AMPD1: variants seen among roughly 807,000 people sequenced by gnomAD.
AMPD1 encodes adenosine monophosphate deaminase 1, also known as AMP deaminase 1.
AMPD1 carries 74 observed loss-of-function variants against 82.9 expected under a neutral mutation model. The observed-to-expected ratio is 0.89, with a 90% CI of 0.74 to 1.08. AMPD1 has a LOEUF of 1.08. AMPD1 is among the 50% of genes least tolerant of loss of function. AMPD1 has a pLI of 0.00. For missense variants in AMPD1, 881 were observed against 924.5 expected (o/e 0.95, Z 0.61); for synonymous variants, 333 against 320.5 (o/e 1.04, Z -0.42).
At position 114,680,878 on chromosome 1, in the gene AMPD1, G is replaced by T. The variant is rs142999296; in HGVS notation, c.548-400C>A. Among the ~76,000 whole-genome samples the T allele has an allele frequency of 4.6e-5, 7 of 152,130 alleles. 2 individuals carry two copies. The highest frequency in any genetic ancestry group is 1.7e-4 in the African/African-American group (7 of 41,422). On this transcript the variant is annotated intron_variant, in intron 5 of 15. Transcript: ENST00000520113. ...AGCTACTCAGGAGGCTGAGGCGAGAGAATCATTTGAATCCGGGAGGCATAC... is the reference window on the plus strand; with the variant it reads ...AGCTACTCAGGAGGCTGAGGCGAGATAATCATTTGAATCCGGGAGGCATAC...
chr1:114,677,482 G>C lies in AMPD1; in HGVS notation c.1257C>G (p.Tyr419Ter). Residue 419 changes from tyrosine to a stop codon, truncating the protein, a stop_gained, in exon 10 of 16, where the codon TAC (tyrosine) becomes TAG (stop). Transcript: ENST00000520113. LOFTEE classifies it high-confidence loss of function. ...EVGADLVEAK[Y>*]QHAEPRLSIY... ...TGGACAGGCGGGGCTCAGCATGCTG[G>C]TACTTGGCCTCCACCAGGTCCGCAC... 2 of 1,613,458 alleles carry C rather than the reference G, an allele frequency of 1.2e-6. No individual in the cohort carries two copies. The highest frequency in any genetic ancestry group is 1.7e-6 in the Non-Finnish European group (2 of 1,179,904).
At chr1:114,690,411 G>T (rs895617540) in intron 2 of AMPD1, among the ~76,000 whole-genome samples, 3 of 152,154 alleles carry the variant, frequency 2.0e-5, no homozygotes, top group South Asian at 2.1e-4. Context: ...GATAATACAT[G>T]ATATGACTTA....
intron 3 of AMPD1, 76 bp downstream of exon 3, chr1:114,688,485 A>G (rs960362256): frequency 1.2e-5 from 19 of 1,521,672 alleles, no homozygotes; most frequent in Non-Finnish European, 1.6e-5. Context: ...CATTTGGATA[A>G]ATTGAACCAT....
At chr1:114,673,349 A>C in intron 15 of AMPD1, 77 bp from the exon 16 acceptor site, 1 of 1,547,874 alleles carries the variant, frequency 6.5e-7, no homozygotes, top group Non-Finnish European at 8.9e-7. Flanking sequence ...TTCTTTACAA[A>C]AATTCCTTCC....
Position 114,693,457 on chromosome 1 carries a change from G to A in AMPD1, c.23-10C>T, listed in dbSNP as rs773114255. ...TCACGTTTCTCTTCAGCTGTATGAA[G>A]TAAAATAAAACAAGATAAAATATGT... On this transcript the variant is annotated splice_polypyrimidine_tract_variant and intron_variant, in intron 1 of 15. Coordinates refer to ENST00000520113, the MANE Select transcript of AMPD1 (RefSeq NM_000036.3). 57 of 1,607,660 alleles carry A rather than the reference G, an allele frequency of 3.5e-5. No individual in the cohort carries two copies. Among genetic ancestry groups the A allele is most frequent in the Non-Finnish European group, 4.7e-5 (55 of 1,174,750 alleles).
chr1:114,691,398 A>ATT (rs1658511613), intron 2 of AMPD1, among the ~76,000 whole-genome samples: 1 of 147,308 alleles, frequency 6.8e-6, no homozygotes, highest in African/African-American at 2.7e-5. Flanking sequence ...ACCTCCACAA[A>ATT]ATTTTTTTTT....
chr1:114,687,550 A>G (rs1280884403), intron 3 of AMPD1, among the ~76,000 whole-genome samples: 1 of 152,108 alleles, frequency 6.6e-6, no homozygotes, highest in African/African-American at 2.4e-5. Flanking sequence ...AGACAGCAGA[A>G]TAGTCTTTTC....
intron 10 of AMPD1, 33 bp downstream of exon 10, chr1:114,677,318 A>T: frequency 1.2e-6 from 2 of 1,610,496 alleles, no homozygotes; most frequent in Non-Finnish European, 1.7e-6. Flanking sequence ...AGACAAGGGC[A>T]GGCTCTAGAG....
Position 114,687,108 on chromosome 1 carries a change from G to A in AMPD1, c.216-198C>T, listed in dbSNP as rs140527693. ...CACATGACCTTGTGCCCCTCTCCCT[G>A]GTCTACCTTGGAATGGCCTTAGCAA... On this transcript the variant is annotated intron_variant, in intron 3 of 15. Transcript: ENST00000520113. 9.4e-4 allele frequency: 609 copies of A among 645,652 alleles called. 3 individuals carry two copies. Among genetic ancestry groups the A allele is most frequent in the Non-Finnish European group, 1.5e-3 (544 of 358,422 alleles). The allele number at this position is 645,652 out of a possible 1,614,324, so 40.0% of individuals were successfully genotyped here.
In AMPD1 at chr1:114,677,340, C is replaced by T; in HGVS notation, c.1388+11G>A. The T allele has an allele frequency of 6.2e-7, 1 of 1,609,606 alleles. No homozygotes were observed. Among genetic ancestry groups the T allele is most frequent in the Non-Finnish European group, 8.5e-7 (1 of 1,179,034 alleles). ...GGCAGGCTCTAGAGTTTCTGATGGG[C>T]AGGTACATACTAGATCCTGGGAACC... On this transcript the variant is annotated intron_variant, in intron 10 of 15. Coordinates refer to ENST00000520113, the MANE Select transcript of AMPD1 (RefSeq NM_000036.3).
rs146422068 is a variant in AMPD1 at position 114,680,241 on chromosome 1, G to T, written c.767+18C>A. The T allele has an allele frequency of 1.1e-3, 1,739 of 1,592,836 alleles. 2 individuals carry two copies. The highest frequency in any genetic ancestry group is 1.4e-3 in the Non-Finnish European group (1,572 of 1,161,686). On this transcript the variant is annotated intron_variant, in intron 6 of 15. Transcript: ENST00000520113. Reference sequence around the variant, plus strand: ...TGTAGTACTAGTTGTTGTTGTTTAGGTCTCACTAAACACTTACACAGGTCC... The same window carrying T: ...TGTAGTACTAGTTGTTGTTGTTTAGTTCTCACTAAACACTTACACAGGTCC...
chr1:114,678,775 C>T (rs1658073341), intron 7 of AMPD1, among the ~76,000 whole-genome samples: 1 of 152,054 alleles, frequency 6.6e-6, no homozygotes, highest in South Asian at 2.1e-4. Flanking sequence ...TCTGTACATC[C>T]AATTTATTTC....
chr1:114,676,631 T>C (rs181712640), intron 10 of AMPD1, among the ~76,000 whole-genome samples: 15 of 152,324 alleles, frequency 9.8e-5, no homozygotes, highest in African/African-American at 3.4e-4. Flanking sequence ...CCAGAATCTA[T>C]ACTCCTAACC....
chr1:114,679,681 C>A lies in AMPD1; in HGVS notation c.795G>T (p.Lys265Asn). The change falls in exon 7 of 16, where the codon AAG (lysine) becomes AAT (asparagine). Residue 265 changes from lysine (K) to asparagine (N), a missense_variant. Lys to Asn is a moderately conservative substitution (Grantham distance 94). This residue lies in a region of AMPD1 where 783 missense variants were observed against 786.4 expected (regional missense o/e 1.00). Coordinates refer to ENST00000520113, the MANE Select transcript of AMPD1 (RefSeq NM_000036.3). ...GGACCTGGAACTTGGAGGAGAGGAACTTCAGGCGCCGGTGGGTATAGGTCT... is the reference window on the plus strand; with the variant it reads ...GGACCTGGAACTTGGAGGAGAGGAAATTCAGGCGCCGGTGGGTATAGGTCT... ...PVKTYTHRRL[K>N]FLSSKFQVHQ... 1 of 1,614,002 alleles carries A rather than the reference C, an allele frequency of 6.2e-7. No individual in the cohort carries two copies. The highest frequency in any genetic ancestry group is 8.5e-7 in the Non-Finnish European group (1 of 1,179,996).
intron 10 of AMPD1, chr1:114,676,214 C>T: frequency 1.8e-6 from 1 of 542,112 alleles, no homozygotes. Flanking sequence ...TTTTGGTGGA[C>T]CCTATGTCCC....
intron 1 of AMPD1, 133 bp downstream of exon 1, chr1:114,695,317 G>A: frequency 7.4e-7 from 1 of 1,345,726 alleles, no homozygotes; most frequent in East Asian, 2.3e-5. Flanking sequence ...GTGTTTTCCT[G>A]AAATGTATGT....
intron 5 of AMPD1, among the ~76,000 whole-genome samples, chr1:114,681,965 T>G (rs879085669): frequency 6.6e-6 from 1 of 152,200 alleles, no homozygotes; most frequent in African/African-American, 2.4e-5. Context: ...TTTCCCACCT[T>G]TTAAAGCACA....
At chr1:114,676,075 C>A in intron 10 of AMPD1, 72 bp from the exon 11 acceptor site, 2 of 1,534,800 alleles carry the variant, frequency 1.3e-6, no homozygotes, top group East Asian at 2.3e-5. Context: ...TATGAGGGAA[C>A]CAGAGAATCG....
chr1:114,674,395 C>G (rs1445426281), intron 13 of AMPD1, among the ~76,000 whole-genome samples: 1 of 152,150 alleles, frequency 6.6e-6, no homozygotes, highest in East Asian at 1.9e-4. Flanking sequence ...CTCTCTCTCT[C>G]TACAAGAAAG....
Sources: gnomAD v4.1 joint callset for allele counts (sites outside exome capture counted in the v4.1 genomes callset) on GRCh38, gnomAD v4.1.1 for gene constraint, gnomAD v4.1.1 regional missense constraint, MANE v1.5 for transcripts, NCBI Gene and HGNC (gene_info 2026-07-23, HGNC 2026-07-21) for gene names.